ASIC2: variants seen among roughly 807,000 people sequenced by gnomAD.
ASIC2 encodes the protein acid-sensing ion channel 2.
A neutral mutation model predicts 57.3 loss-of-function variants in ASIC2; 25 were observed. The ratio of observed to expected loss-of-function variants is 0.44; its 90% CI spans 0.32 to 0.61. The LOEUF (loss-of-function observed/expected upper bound fraction) is 0.61, where lower values mean the gene tolerates loss of function less well. Ranked by LOEUF, ASIC2 falls within the 20% of genes least tolerant of loss-of-function variation. ASIC2 has a pLI of 0.06. For synonymous variants in ASIC2, 319 were observed against 307.5 expected, an observed-to-expected ratio of 1.04 and a Z score of -0.39; for missense variants, 641 against 738.1, an observed-to-expected ratio of 0.87 and a Z score of 1.52.
chr17:33,986,280 G>A (rs1485227352), intron 1 of ASIC2, among the ~76,000 whole-genome samples: 2 of 151,340 alleles, frequency 1.3e-5, no homozygotes, highest in East Asian at 3.9e-4. Flanking sequence ...AATATTTGCT[G>A]AATCAGCAAT....
chr17:34,082,914 G>A (rs1909947008), intron 1 of ASIC2, among the ~76,000 whole-genome samples: 1 of 152,150 alleles, frequency 6.6e-6, no homozygotes, highest in Non-Finnish European at 1.5e-5. Context: ...ACAATGGGAA[G>A]AAGTTTTTGA....
chr17:33,314,349 A>T (rs184972928), intron 1 of ASIC2, among the ~76,000 whole-genome samples: 439 of 152,334 alleles, frequency 2.9e-3, no homozygotes, highest in Non-Finnish European at 5.1e-3. Flanking sequence ...ATTATCTAAG[A>T]CTGCTGAGCT....
At chr17:33,498,094 T>C (rs1913992485) in intron 1 of ASIC2, among the ~76,000 whole-genome samples, 1 of 152,224 alleles carries the variant, frequency 6.6e-6, no homozygotes, top group African/African-American at 2.4e-5. Flanking sequence ...AAAGCACTTC[T>C]GGAAATGGAT....
intron 1 of ASIC2, among the ~76,000 whole-genome samples, chr17:33,816,454 C>T (rs1241872449): frequency 6.6e-6 from 1 of 152,164 alleles, no homozygotes; most frequent in Non-Finnish European, 1.5e-5. Flanking sequence ...CAATTATTCT[C>T]ATTTGACAGA....
intron 1 of ASIC2, among the ~76,000 whole-genome samples, chr17:33,633,248 G>A (rs1487490180): frequency 6.6e-6 from 1 of 152,156 alleles, no homozygotes; most frequent in East Asian, 1.9e-4. Flanking sequence ...CCTGTGCGAG[G>A]GTCCAAAAAG....
At chr17:33,912,258 T>C (rs912372211) in intron 1 of ASIC2, among the ~76,000 whole-genome samples, 4 of 150,750 alleles carry the variant, frequency 2.7e-5, no homozygotes, top group Non-Finnish European at 4.4e-5. Context: ...CATTGTAGGC[T>C]GAGGCATGTG....
chr17:34,015,883 T>C (rs969584090), intron 1 of ASIC2, among the ~76,000 whole-genome samples: 9 of 152,218 alleles, frequency 5.9e-5, no homozygotes, highest in Non-Finnish European at 1.0e-4. Flanking sequence ...TTTCTCTTTT[T>C]ATAAAATGGG....
intron 1 of ASIC2, among the ~76,000 whole-genome samples, chr17:33,452,312 G>A (rs1444552752): frequency 6.6e-6 from 1 of 152,250 alleles, no homozygotes; most frequent in African/African-American, 2.4e-5. Context: ...AAATCTGCAA[G>A]ATGGGTATGG....
chr17:33,885,803 T>G (rs1189598987), intron 1 of ASIC2, among the ~76,000 whole-genome samples: 1 of 152,236 alleles, frequency 6.6e-6, no homozygotes, highest in African/African-American at 2.4e-5. Context: ...GTTTTTCTTC[T>G]GCACTCTGGA....
chr17:33,425,241 C>T (rs1911176788), intron 1 of ASIC2, among the ~76,000 whole-genome samples: 1 of 152,180 alleles, frequency 6.6e-6, no homozygotes, highest in Non-Finnish European at 1.5e-5. Flanking sequence ...CTTGCTAGGG[C>T]ACTGCATGGT....
intron 1 of ASIC2, among the ~76,000 whole-genome samples, chr17:33,618,864 A>G (rs1905688902): frequency 6.6e-6 from 1 of 152,188 alleles, no homozygotes; most frequent in Non-Finnish European, 1.5e-5. Flanking sequence ...AGGCTCTCTC[A>G]TGAGCCTGGC....
At chr17:33,877,498 C>T (rs143325321) in intron 1 of ASIC2, among the ~76,000 whole-genome samples, 1,939 of 152,324 alleles carry the variant, frequency 0.013, 38 homozygotes, top group African/African-American at 0.044. Flanking sequence ...GAGGGTCCTA[C>T]GCCCATGCAG....
At chr17:33,599,050 T>G (rs557336951) in intron 1 of ASIC2, among the ~76,000 whole-genome samples, 2 of 152,286 alleles carry the variant, frequency 1.3e-5, no homozygotes, top group African/African-American at 4.8e-5. Flanking sequence ...CTCCACAGGG[T>G]GGACAAGCCC....
intron 1 of ASIC2, among the ~76,000 whole-genome samples, chr17:33,847,133 G>A (rs1913630144): frequency 6.6e-6 from 1 of 151,216 alleles, no homozygotes; most frequent in Admixed American, 6.6e-5. Flanking sequence ...CATCTTCTCT[G>A]GAAAACAGAG....
intron 1 of ASIC2, among the ~76,000 whole-genome samples, chr17:33,139,538 A>G (rs899248331): frequency 6.6e-5 from 10 of 152,204 alleles, no homozygotes; most frequent in African/African-American, 2.4e-4. Flanking sequence ...CCCACACTTC[A>G]GTGACCACCT....
chr17:33,446,767 G>A (rs1263960498), intron 1 of ASIC2, among the ~76,000 whole-genome samples: 1 of 152,138 alleles, frequency 6.6e-6, no homozygotes. Context: ...TGAATCCTCT[G>A]GAAGGGAAAT....
rs113029728 is a variant in ASIC2 at position 33,195,543 on chromosome 17, T to C, written c.709-83476A>G. On this transcript the variant is annotated intron_variant, in intron 1 of 9. Transcript: ENST00000225823. ...TATTTAATTTTATTTTTTGATCATG[T>C]ATAGTAAATGGTTACTGGCCATCAA... Among the ~76,000 whole-genome samples the C allele has an allele frequency of 8.7e-3, 1,326 of 152,340 alleles. 7 individuals are homozygous for C. The highest frequency in any genetic ancestry group is 0.013 in the South Asian group (64 of 4,822).
intron 1 of ASIC2, among the ~76,000 whole-genome samples, chr17:34,115,634 T>C (rs891570132): frequency 6.6e-6 from 1 of 152,186 alleles, no homozygotes; most frequent in Non-Finnish European, 1.5e-5. Flanking sequence ...GCTCAAATAT[T>C]TGCAAGTCTA....
At chr17:33,269,760 T>TTCCG in intron 1 of ASIC2, among the ~76,000 whole-genome samples, 1 of 142,498 alleles carries the variant, frequency 7.0e-6, no homozygotes, top group Non-Finnish European at 1.5e-5. Flanking sequence ...CTTTCCTTCC[T>TTCCG]TCCTTCCTTC....
Sources: gnomAD v4.1 joint callset for allele counts (sites outside exome capture counted in the v4.1 genomes callset) on GRCh38, gnomAD v4.1.1 for gene constraint, MANE v1.5 for transcripts, NCBI Gene and HGNC (gene_info 2026-07-23, HGNC 2026-07-21) for gene names.